The following SIRPB1 variants were observed in gnomAD, a reference collection of about 807,000 sequenced individuals.
SIRPB1 encodes the protein signal-regulatory protein beta-1.
In SIRPB1, 28 loss-of-function variants were observed where a neutral mutation model predicts 34.1. The ratio of observed to expected loss-of-function variants is 0.82; its 90% CI spans 0.61 to 1.12. The LOEUF (loss-of-function observed/expected upper bound fraction) is 1.12. Ranked by LOEUF, SIRPB1 falls within the 50% of genes most tolerant of loss-of-function variation. SIRPB1 has a pLI of 0.00. For missense variants in SIRPB1, 499 were observed against 507.0 expected (o/e 0.98, Z 0.15); for synonymous variants, 211 against 203.8 (o/e 1.04, Z -0.30).
chr20:1,619,045 A>G (rs1054718395), intron 1 of SIRPB1, among the ~76,000 whole-genome samples: 3 of 152,206 alleles, frequency 2.0e-5, no homozygotes, highest in Non-Finnish European at 4.4e-5. Flanking sequence ...AGAGGAGATG[A>G]GGACACAGAC....
At chr20:1,579,861 T>C (rs2091377445) in intron 1 of SIRPB1, among the ~76,000 whole-genome samples, 2 of 147,782 alleles carry the variant, frequency 1.4e-5, no homozygotes, top group Non-Finnish European at 3.0e-5. Context: ...GGGGAGTTGA[T>C]GGGGAGGTCA....
intron 1 of SIRPB1, among the ~76,000 whole-genome samples, chr20:1,616,827 A>G (rs1254810194): frequency 6.6e-6 from 1 of 152,258 alleles, no homozygotes; most frequent in African/African-American, 2.4e-5. Flanking sequence ...TACAAAATAT[A>G]TAAGGAAGTG....
rs1214139937 is a variant in SIRPB1 at position 1,585,785 on chromosome 20, T to G, written c.77-7091A>C. Among the ~76,000 whole-genome samples, 2 of 48,808 alleles carry G rather than the reference T, an allele frequency of 4.1e-5. 1 individual carries two copies. Among genetic ancestry groups the G allele is most frequent in the African/African-American group, 2.7e-4 (2 of 7,430 alleles). 32.0% of individuals were successfully genotyped at this position (48,808 alleles called of 152,430 possible). Reference sequence around the variant, plus strand: ...ATGACATCAGCGTGTCACAGAGATATCCGCACCCCCATGTCCATTGCAGCA... The same window carrying G: ...ATGACATCAGCGTGTCACAGAGATAGCCGCACCCCCATGTCCATTGCAGCA... On this transcript the variant is annotated intron_variant, in intron 1 of 5. Coordinates refer to ENST00000381605, the MANE Select transcript of SIRPB1 (RefSeq NM_006065.5).
At position 1,601,572 on chromosome 20, in the gene SIRPB1, C is replaced by T; in HGVS notation, c.76+18297G>A. On this transcript the variant is annotated intron_variant, in intron 1 of 5. Coordinates refer to ENST00000381605, the MANE Select transcript of SIRPB1 (RefSeq NM_006065.5). ...GCCACGCTGCTGGTGCAGTATGTCA[C>T]ATAAGGCATCTTGCATGTTGTGTAC... Among the ~76,000 whole-genome samples, 2 of 49,054 alleles carry T rather than the reference C, an allele frequency of 4.1e-5. 1 individual carries two copies. The highest frequency in any genetic ancestry group is 2.7e-4 in the African/African-American group (2 of 7,378). 32.2% of individuals were successfully genotyped at this position (49,054 alleles called of 152,430 possible).
rs368083312 is a variant in SIRPB1, at chr20:1,619,975, A to G, written c.-31T>C. Reference sequence around the variant, plus strand: ...AGACCTTAGGAGCCTGCTCTGTCCAAACGTCTGTGCTGGGAAGATCGCAGA... The same window carrying G: ...AGACCTTAGGAGCCTGCTCTGTCCAGACGTCTGTGCTGGGAAGATCGCAGA... On this transcript the variant is annotated 5_prime_UTR_variant, in exon 1 of 6. Coordinates refer to ENST00000381605, the MANE Select transcript of SIRPB1 (RefSeq NM_006065.5). 6.2e-7 allele frequency: 1 copy of G among 1,603,376 alleles called. No homozygotes were observed. The highest frequency in any genetic ancestry group is 8.5e-7 in the Non-Finnish European group (1 of 1,174,980).
intron 1 of SIRPB1, among the ~76,000 whole-genome samples, chr20:1,616,625 T>C (rs995419700): frequency 1.3e-5 from 2 of 152,098 alleles, no homozygotes; most frequent in African/African-American, 4.8e-5. Flanking sequence ...AAAAGTGCCA[T>C]GACATTGGTG....
At position 1,571,037 on chromosome 20, in the gene SIRPB1, C is replaced by G; in HGVS notation, c.852G>C (p.Leu284=). 6.2e-7 allele frequency: 1 copy of G among 1,614,192 alleles called. No homozygotes were observed. Among genetic ancestry groups the G allele is most frequent in the Non-Finnish European group, 8.5e-7 (1 of 1,180,016 alleles). Residue 284 remains leucine, a synonymous_variant, in exon 4 of 6, where the codon CTG becomes CTC. Coordinates refer to ENST00000381605, the MANE Select transcript of SIRPB1 (RefSeq NM_006065.5). ...VSNFYPRGLQ[L]TWLENGNVSR... ...ACACATTTCCATTCTCCAACCAGGT[C>G]AGCTGTAGTCCCCGGGGGTAGAAAT...
chr20:1,572,886 C>T (rs559562258), intron 2 of SIRPB1, among the ~76,000 whole-genome samples: 4 of 151,210 alleles, frequency 2.6e-5, no homozygotes, highest in Non-Finnish European at 3.0e-5. Context: ...AGCCAGGGTC[C>T]GTGGGATTTT....
At position 1,566,280 on chromosome 20, in the gene SIRPB1, G is replaced by A. The variant is rs1157917252; in HGVS notation, c.1085-13C>T. The A allele has an allele frequency of 3.2e-6, 5 of 1,563,514 alleles. No homozygotes were observed. The South Asian group carries it at 5.8e-5, about 18-fold the overall frequency. ...GCCAGCGCTGCTTCTGGAAATCAGG[G>A]AAGAGGAGGAGCCATGAGAGGGGCC... On this transcript the variant is annotated splice_polypyrimidine_tract_variant and intron_variant, in intron 4 of 5. Transcript: ENST00000381605.
At chr20:1,615,379 G>A (rs1002988956) in intron 1 of SIRPB1, among the ~76,000 whole-genome samples, 4 of 152,138 alleles carry the variant, frequency 2.6e-5, no homozygotes, top group African/African-American at 9.7e-5. Context: ...TTAGAGTCCA[G>A]ATCTGGGGAG....
chr20:1,565,072 A>G lies in SIRPB1; in HGVS notation c.*428T>C, dbSNP rs536410483. 2 of 398,560 alleles carry G rather than the reference A, an allele frequency of 5.0e-6. No individual in the cohort carries two copies. The highest frequency in any genetic ancestry group is 1.3e-4 in the South Asian group (1 of 7,854). The allele number at this position is 398,560 out of a possible 1,614,324, so 24.7% of individuals were successfully genotyped here. ...GAATCATTTTTTTCTTAAAATTGGT[A>G]TAGGGGTTCATGTGTATTCAGGAGG... On this transcript the variant is annotated 3_prime_UTR_variant, in exon 6 of 6. Transcript: ENST00000381605.
Position 1,571,021 on chromosome 20 carries a change from C to T in SIRPB1, c.868G>A (p.Gly290Arg). The change falls in exon 4 of 6, where the codon GGA becomes AGA. Residue 290 changes from glycine (G) to arginine (R), a missense_variant. By Grantham distance (125) the Gly-to-Arg change is moderately radical (BLOSUM62 -2). Transcript: ENST00000381605. ...RGLQLTWLEN[G>R]NVSRTETAST... The stretch of plus-strand genomic sequence containing the variant: ...GCTGTTTCTGTCCGGGACACATTTC[C>T]ATTCTCCAACCAGGTCAGCTGTAGT... The T allele has an allele frequency of 1.2e-6, 2 of 1,614,192 alleles. No individual in the cohort carries two copies. The highest frequency in any genetic ancestry group is 1.7e-6 in the Non-Finnish European group (2 of 1,180,018).
intron 1 of SIRPB1, among the ~76,000 whole-genome samples, chr20:1,593,424 T>C (rs1260409246): frequency 2.0e-5 from 1 of 49,312 alleles, no homozygotes; most frequent in Non-Finnish European, 3.9e-5. Flanking sequence ...TTTTGTTTTA[T>C]GAATCTATAT....
At chr20:1,573,037 A>T (rs2122201302) in intron 2 of SIRPB1, among the ~76,000 whole-genome samples, 1 of 147,752 alleles carries the variant, frequency 6.8e-6, no homozygotes, top group African/African-American at 2.5e-5. Flanking sequence ...CTGTATTGCC[A>T]TACGGGACAC....
chr20:1,618,147 C>T (rs1395691958), intron 1 of SIRPB1, among the ~76,000 whole-genome samples: 1 of 152,046 alleles, frequency 6.6e-6, no homozygotes, highest in Non-Finnish European at 1.5e-5. Context: ...AAATATCTGG[C>T]CCATAGAAAG....
At position 1,562,990 on chromosome 20, in the gene SIRPB1, C is replaced by CTT. The variant is rs2091092571; in HGVS notation, c.*2509_*2510insAA. On this transcript the variant is annotated 3_prime_UTR_variant, in exon 6 of 6. Transcript: ENST00000381605. Reference sequence around the variant, plus strand: ...TGATGCAGGAACTTCAGATAGGCAGCCAGAGGGAGGTAGTAAACGCAAACT... The same window carrying CTT: ...TGATGCAGGAACTTCAGATAGGCAGCTTCAGAGGGAGGTAGTAAACGCAAACT... Among the ~76,000 whole-genome samples, 1 of 152,070 alleles carries CTT rather than the reference C, an allele frequency of 6.6e-6. No individual in the cohort carries two copies. Among genetic ancestry groups the CTT allele is most frequent in the Non-Finnish European group, 1.5e-5 (1 of 68,014 alleles).
intron 2 of SIRPB1, among the ~76,000 whole-genome samples, chr20:1,576,573 C>A (rs1167597273): frequency 2.0e-5 from 3 of 148,136 alleles, no homozygotes; most frequent in East Asian, 3.9e-4. Context: ...TGTGTCCACC[C>A]TGATGCTAGA....
rs1448702961 is a variant in SIRPB1, at chr20:1,602,003, C to T, written c.76+17866G>A. Among the ~76,000 whole-genome samples, 2 of 48,558 alleles carry T rather than the reference C, an allele frequency of 4.1e-5. 1 individual carries two copies. Among genetic ancestry groups the T allele is most frequent in the Admixed American group, 2.8e-4 (2 of 7,140 alleles). 31.9% of individuals were successfully genotyped at this position (48,558 alleles called of 152,430 possible). ...CTGTATTCAATAATATAAATCCCCACTTCAAGAAACTACAAGAAGTAGAGC... is the reference window on the plus strand; with the variant it reads ...CTGTATTCAATAATATAAATCCCCATTTCAAGAAACTACAAGAAGTAGAGC... On this transcript the variant is annotated intron_variant, in intron 1 of 5. Coordinates refer to ENST00000381605, the MANE Select transcript of SIRPB1 (RefSeq NM_006065.5).
At chr20:1,570,175 G>A (rs1262609399) in intron 4 of SIRPB1, among the ~76,000 whole-genome samples, 1 of 152,224 alleles carries the variant, frequency 6.6e-6, no homozygotes, top group Non-Finnish European at 1.5e-5. Flanking sequence ...GGTGTTTGAA[G>A]CAGGAAAGGA....
Sources: gnomAD v4.1 joint callset for allele counts (sites outside exome capture counted in the v4.1 genomes callset) on GRCh38, gnomAD v4.1.1 for gene constraint, MANE v1.5 for transcripts, NCBI Gene and HGNC (gene_info 2026-07-23, HGNC 2026-07-21) for gene names.